The following TRPC7 variants were observed in gnomAD, a reference collection of about 807,000 sequenced individuals.
The protein encoded by TRPC7 is short transient receptor potential channel 7.
TRPC7 carries 42 observed loss-of-function variants against 90.1 expected under a neutral mutation model. That is an observed-to-expected ratio of 0.47 (90% CI 0.36 to 0.60). The LOEUF is 0.60. Among genes scored for constraint, TRPC7 ranks in the 20% least tolerant of loss-of-function variants. TRPC7 has a pLI of 0.00. For missense variants in TRPC7, 955 were observed against 1,112.3 expected (o/e 0.86, Z 2.01); for synonymous variants, 451 against 436.3 (o/e 1.03, Z -0.42).
chr5:136,286,964 G>A (rs1757738832), intron 3 of TRPC7, among the ~76,000 whole-genome samples: 1 of 152,114 alleles, frequency 6.6e-6, no homozygotes, highest in African/African-American at 2.4e-5. Flanking sequence ...CTTAAACTCT[G>A]CTGAAATTAC....
chr5:136,226,031 T>C lies in TRPC7; in HGVS notation c.2262+3A>G, dbSNP rs1755619285. 1.3e-6 allele frequency: 2 copies of C among 1,583,810 alleles called. No individual in the cohort carries two copies. Among genetic ancestry groups the C allele is most frequent in the Admixed American group, 3.6e-5 (2 of 55,414 alleles). ...CCAGCCTCATAAACCACATGCTACC[T>C]ACCTTGAATTTGGAATTCAGCATGC... On this transcript the variant is annotated splice_donor_region_variant and intron_variant, in intron 9 of 11. Transcript: ENST00000513104.
chr5:136,334,963 C>T (rs1759606355), intron 2 of TRPC7, among the ~76,000 whole-genome samples: 2 of 152,046 alleles, frequency 1.3e-5, no homozygotes, highest in Non-Finnish European at 2.9e-5. Flanking sequence ...TTTCTAAAAG[C>T]CCCGGGAGAC....
intron 2 of TRPC7, among the ~76,000 whole-genome samples, chr5:136,320,350 CA>C (rs1759153758): frequency 6.6e-6 from 1 of 152,116 alleles, no homozygotes; most frequent in African/African-American, 2.4e-5. Flanking sequence ...TAGAAACTCC[CA>C]ACTGGTCTCT....
rs150269403 is a variant in TRPC7, at chr5:136,268,056, A to T, written c.1129-1620T>A. ...GATAAAATGTAAGGACAAATAAAAC[A>T]TTTTTATATAAATTCAGTAAAAAAC... On this transcript the variant is annotated intron_variant, in intron 4 of 11. Coordinates refer to ENST00000513104, the MANE Select transcript of TRPC7 (RefSeq NM_020389.3). Among the ~76,000 whole-genome samples the T allele has an allele frequency of 2.8e-3, 425 of 152,342 alleles. 4 individuals are homozygous for T. The highest frequency in any genetic ancestry group is 9.6e-3 in the African/African-American group (400 of 41,586).
intron 5 of TRPC7, among the ~76,000 whole-genome samples, chr5:136,252,447 T>A (rs1367629988): frequency 6.6e-6 from 1 of 152,208 alleles, no homozygotes; most frequent in African/African-American, 2.4e-5. Flanking sequence ...AGATTTTTTC[T>A]TACTCTTTCA....
chr5:136,347,726 T>C (rs549193758), intron 2 of TRPC7, among the ~76,000 whole-genome samples: 2 of 152,314 alleles, frequency 1.3e-5, no homozygotes, highest in South Asian at 4.1e-4. Context: ...AAAATTGGAA[T>C]TGACATCACT....
intron 3 of TRPC7, among the ~76,000 whole-genome samples, chr5:136,278,685 G>A (rs564421302): frequency 6.6e-6 from 1 of 152,292 alleles, no homozygotes; most frequent in African/African-American, 2.4e-5. Flanking sequence ...CAAGGAGGGA[G>A]GCAGGGATTG....
intron 5 of TRPC7, among the ~76,000 whole-genome samples, chr5:136,262,966 A>G (rs1756904811): frequency 6.6e-6 from 1 of 152,220 alleles, no homozygotes; most frequent in South Asian, 2.1e-4. Context: ...GAAGGGTACT[A>G]TGCAAAAACA....
chr5:136,350,595 G>A (rs1161976277), intron 2 of TRPC7, among the ~76,000 whole-genome samples: 1 of 152,140 alleles, frequency 6.6e-6, no homozygotes, highest in Admixed American at 6.5e-5. Context: ...AGACACTTAG[G>A]CAGAAAAATA....
At chr5:136,333,485 T>C (rs1013039797) in intron 2 of TRPC7, among the ~76,000 whole-genome samples, 4 of 152,162 alleles carry the variant, frequency 2.6e-5, no homozygotes, top group Non-Finnish European at 4.4e-5. Flanking sequence ...AGATTGGACT[T>C]TATAACATAG....
At chr5:136,320,874 C>T (rs1166150256) in intron 2 of TRPC7, among the ~76,000 whole-genome samples, 1 of 152,202 alleles carries the variant, frequency 6.6e-6, no homozygotes, top group Admixed American at 6.5e-5. Flanking sequence ...TTACCGTTCC[C>T]TGCTTTTCCT....
rs540211180 is a variant in TRPC7, at chr5:136,345,894, A to T, written c.780+10714T>A. ...TTTTTGTATAAGCTGTAAGGAAGGG[A>T]TCCAGTTTCAGCTTTCTACATATGG... On this transcript the variant is annotated intron_variant, in intron 2 of 11. Coordinates refer to ENST00000513104, the MANE Select transcript of TRPC7 (RefSeq NM_020389.3). Among the ~76,000 whole-genome samples the T allele has an allele frequency of 2.0e-3, 297 of 152,260 alleles. 1 individual carries two copies. Among genetic ancestry groups the T allele is most frequent in the African/African-American group, 6.5e-3 (270 of 41,542 alleles).
chr5:136,289,087 G>T (rs1757839114), intron 3 of TRPC7, among the ~76,000 whole-genome samples: 1 of 152,146 alleles, frequency 6.6e-6, no homozygotes, highest in South Asian at 2.1e-4. Context: ...TTTGAATAAA[G>T]GTCCCAAAAT....
At chr5:136,300,533 A>G (rs1758341425) in intron 3 of TRPC7, among the ~76,000 whole-genome samples, 1 of 152,188 alleles carries the variant, frequency 6.6e-6, no homozygotes, top group African/African-American at 2.4e-5. Context: ...TACCACCATA[A>G]GTGGATGACT....
chr5:136,294,719 G>C (rs1363984001), intron 3 of TRPC7, among the ~76,000 whole-genome samples: 2 of 152,196 alleles, frequency 1.3e-5, no homozygotes, highest in South Asian at 2.1e-4. Flanking sequence ...CAACCATTGT[G>C]GAAGTCGGCA....
At chr5:136,325,157 A>T (rs937307348) in intron 2 of TRPC7, among the ~76,000 whole-genome samples, 12 of 152,214 alleles carry the variant, frequency 7.9e-5, no homozygotes, top group African/African-American at 2.9e-4. Context: ...TATTCTGTAG[A>T]GCTGATAGTA....
At chr5:136,260,470 C>T (rs1001927132) in intron 5 of TRPC7, among the ~76,000 whole-genome samples, 6 of 152,056 alleles carry the variant, frequency 3.9e-5, no homozygotes, top group Non-Finnish European at 5.9e-5. Context: ...TAGATCCATG[C>T]AGGAAGAACT....
At chr5:136,315,495 G>A (rs1758983604) in intron 3 of TRPC7, 102 bp downstream of exon 3, 2 of 1,279,654 alleles carry the variant, frequency 1.6e-6, no homozygotes, top group Admixed American at 2.3e-5. Context: ...TGTCATCATG[G>A]TCACCCTGTG....
intron 7 of TRPC7, among the ~76,000 whole-genome samples, chr5:136,242,555 T>TA (rs1276907368): frequency 1.3e-5 from 2 of 152,050 alleles, no homozygotes; most frequent in Non-Finnish European, 2.9e-5. Context: ...AGCTTGTGCT[T>TA]AAAAAAAATT....
Sources: gnomAD v4.1 joint callset for allele counts (sites outside exome capture counted in the v4.1 genomes callset) on GRCh38, gnomAD v4.1.1 for gene constraint, MANE v1.5 for transcripts, NCBI Gene and HGNC (gene_info 2026-07-23, HGNC 2026-07-21) for gene names.